The following GPR39 variants were observed in gnomAD, a reference collection of about 807,000 sequenced individuals.
GPR39 encodes zinc sensing receptor.
In GPR39, 23 loss-of-function variants were observed where a neutral mutation model predicts 18.4. That is an observed-to-expected ratio of 1.25 (90% CI 0.90 to 1.77). GPR39 has a LOEUF of 1.77. Ranked by LOEUF, GPR39 falls within the 40% of genes most tolerant of loss-of-function variation. The pLI, the probability that GPR39 is intolerant of heterozygous loss-of-function variation, is 0.00. For synonymous variants in GPR39, 280 were observed against 257.9 expected, an observed-to-expected ratio of 1.09 and a Z score of -0.82; for missense variants, 647 against 602.4, an observed-to-expected ratio of 1.07 and a Z score of -0.78.
At chr2:132,579,244 T>C (rs1263239469) in intron 1 of GPR39, among the ~76,000 whole-genome samples, 7 of 151,978 alleles carry the variant, frequency 4.6e-5, no homozygotes, top group Admixed American at 4.6e-4. Context: ...TATTTAGAAG[T>C]ATGTTGCTTA....
rs968674377 is a variant in GPR39 at position 132,416,941 on chromosome 2, C to T, written c.-102C>T. On this transcript the variant is annotated 5_prime_UTR_variant, in exon 1 of 2. Coordinates refer to ENST00000329321, the MANE Select transcript of GPR39 (RefSeq NM_001508.3). ...AGAACTCGAGTGAGATAAAATCGTGCGCCCACGCAGGTGAGTTTGCAGCCA... is the reference window on the plus strand; with the variant it reads ...AGAACTCGAGTGAGATAAAATCGTGTGCCCACGCAGGTGAGTTTGCAGCCA... The T allele has an allele frequency of 2.9e-6, 4 of 1,379,576 alleles. No individual in the cohort carries two copies. The highest frequency in any genetic ancestry group is 2.3e-5 in the East Asian group (1 of 43,622). 85.5% of individuals were successfully genotyped at this position (1,379,576 alleles called of 1,614,324 possible).
intron 1 of GPR39, among the ~76,000 whole-genome samples, chr2:132,572,501 C>T (rs1053229096): frequency 1.3e-5 from 2 of 149,792 alleles, no homozygotes; most frequent in African/African-American, 4.9e-5. Context: ...CTCCTGAGAG[C>T]TTTTATTAGT....
chr2:132,563,451 A>G (rs777122573), intron 1 of GPR39, among the ~76,000 whole-genome samples: 4 of 152,150 alleles, frequency 2.6e-5, no homozygotes, highest in Admixed American at 6.5e-5. Context: ...GCACGCACCT[A>G]TAGTTCCAGC....
At chr2:132,572,690 A>G (rs1680462711) in intron 1 of GPR39, among the ~76,000 whole-genome samples, 1 of 152,216 alleles carries the variant, frequency 6.6e-6, no homozygotes, top group African/African-American at 2.4e-5. Flanking sequence ...ATCAGGCACC[A>G]TTCTCTCGGG....
At chr2:132,571,111 C>T (rs558976223) in intron 1 of GPR39, among the ~76,000 whole-genome samples, 4 of 152,314 alleles carry the variant, frequency 2.6e-5, no homozygotes, top group Admixed American at 6.5e-5. Flanking sequence ...CCACTTCCAC[C>T]TTCATCCCCA....
intron 1 of GPR39, among the ~76,000 whole-genome samples, chr2:132,559,427 A>G (rs1424436418): frequency 1.3e-5 from 2 of 152,040 alleles, no homozygotes; most frequent in Non-Finnish European, 2.9e-5. Context: ...CAGGGCTTGG[A>G]TTAGGACGTA....
chr2:132,593,305 C>T (rs1680878727), intron 1 of GPR39, among the ~76,000 whole-genome samples: 1 of 152,174 alleles, frequency 6.6e-6, no homozygotes, highest in African/African-American at 2.4e-5. Flanking sequence ...TCCTAGAGGT[C>T]AGGCAGATAT....
Position 132,532,260 on chromosome 2 carries a change from T to C in GPR39, c.857-112841T>C, listed in dbSNP as rs1021342596. Among the ~76,000 whole-genome samples, 19 of 152,222 alleles carry C rather than the reference T, an allele frequency of 1.2e-4. No homozygotes were observed. The East Asian group carries it at 1.9e-3, about 15-fold the overall frequency. ...GAAAATCTAGAAGAAATGGATAATT[T>C]CTCGACACATACACCCTCCCAAGAC... On this transcript the variant is annotated intron_variant, in intron 1 of 1. Coordinates refer to ENST00000329321, the MANE Select transcript of GPR39 (RefSeq NM_001508.3).
intron 1 of GPR39, among the ~76,000 whole-genome samples, chr2:132,587,908 A>G (rs1680760537): frequency 1.3e-5 from 2 of 152,164 alleles, no homozygotes; most frequent in African/African-American, 4.8e-5. Context: ...TGGAACAGAG[A>G]GGGCAGTCTA....
At chr2:132,530,807 A>G (rs1335315075) in intron 1 of GPR39, among the ~76,000 whole-genome samples, 2 of 152,182 alleles carry the variant, frequency 1.3e-5, no homozygotes, top group Non-Finnish European at 2.9e-5. Context: ...AAATGCTGAG[A>G]GATTTTGTCA....
intron 1 of GPR39, among the ~76,000 whole-genome samples, chr2:132,471,111 G>C (rs1681022908): frequency 6.6e-6 from 1 of 152,010 alleles, no homozygotes; most frequent in African/African-American, 2.4e-5. Context: ...GGGAGTGTGG[G>C]GCAAAGAAAG....
chr2:132,521,973 G>C (rs940293625), intron 1 of GPR39, among the ~76,000 whole-genome samples: 3 of 152,122 alleles, frequency 2.0e-5, no homozygotes, highest in Non-Finnish European at 4.4e-5. Context: ...TTTATAATTT[G>C]AGTTGGGAGT....
chr2:132,427,304 C>T (rs1466182221), intron 1 of GPR39, among the ~76,000 whole-genome samples: 2 of 148,370 alleles, frequency 1.3e-5, no homozygotes, highest in East Asian at 4.0e-4. Flanking sequence ...GCTGAGACTA[C>T]AGGCGCCTGC....
chr2:132,478,198 A>G (rs941121176), intron 1 of GPR39, among the ~76,000 whole-genome samples: 5 of 152,228 alleles, frequency 3.3e-5, no homozygotes, highest in African/African-American at 1.2e-4. Context: ...AAAAGTCTGA[A>G]ACATTTTCTA....
intron 1 of GPR39, among the ~76,000 whole-genome samples, chr2:132,583,111 C>T (rs1156622546): frequency 6.6e-6 from 1 of 151,740 alleles, no homozygotes; most frequent in African/African-American, 2.4e-5. Context: ...TAGGATCTTG[C>T]TATGTTGCCC....
intron 1 of GPR39, among the ~76,000 whole-genome samples, chr2:132,500,180 T>G (rs1303082098): frequency 6.6e-6 from 1 of 152,196 alleles, no homozygotes; most frequent in East Asian, 1.9e-4. Context: ...GGGGAATGTT[T>G]TCAACTCTTC....
At chr2:132,618,962 G>T (rs1681385997) in intron 1 of GPR39, among the ~76,000 whole-genome samples, 1 of 152,168 alleles carries the variant, frequency 6.6e-6, no homozygotes, top group African/African-American at 2.4e-5. Context: ...AACGGGAACT[G>T]CCCACAGACT....
intron 1 of GPR39, among the ~76,000 whole-genome samples, chr2:132,443,056 T>G (rs1020634960): frequency 3.9e-5 from 6 of 152,234 alleles, no homozygotes; most frequent in African/African-American, 1.2e-4. Flanking sequence ...ATAGTTAATA[T>G]TTTATGTTTT....
chr2:132,626,104 A>AAT (rs2104864778), intron 1 of GPR39, among the ~76,000 whole-genome samples: 4 of 152,018 alleles, frequency 2.6e-5, no homozygotes, highest in African/African-American at 9.6e-5. Context: ...CATCTCAAAA[A>AAT]AAAAAAACAA....
Sources: gnomAD v4.1 joint callset for allele counts (sites outside exome capture counted in the v4.1 genomes callset) on GRCh38, gnomAD v4.1.1 for gene constraint, MANE v1.5 for transcripts, NCBI Gene and HGNC (gene_info 2026-07-23, HGNC 2026-07-21) for gene names.